AP2B1: variants seen among roughly 807,000 people sequenced by gnomAD.
The protein encoded by AP2B1 is AP-2 complex subunit beta.
AP2B1 carries 23 observed loss-of-function variants against 102.0 expected under a neutral mutation model. The ratio of observed to expected loss-of-function variants is 0.23; its 90% CI spans 0.16 to 0.32. The LOEUF is 0.32. Ranked by LOEUF, AP2B1 falls within the 10% of genes least tolerant of loss-of-function variation. The probability of loss-of-function intolerance (pLI) is 1.00; values close to 1 mark genes in which losing one functional copy is unlikely to be tolerated. For synonymous variants in AP2B1, 381 were observed against 421.2 expected (o/e 0.90, Z 1.17); for missense variants, 541 against 1,157.4 (o/e 0.47, Z 7.73).
At chr17:35,657,468 A>T in intron 13 of AP2B1, 131 bp from the exon 14 acceptor site, 1 of 611,424 alleles carries the variant, frequency 1.6e-6, no homozygotes, top group Middle Eastern at 4.0e-4. Flanking sequence ...AAATGGTTAT[A>T]AAATCAGAGA....
Position 35,709,119 on chromosome 17 carries a change from A to T in AP2B1, c.2455-105A>T, listed in dbSNP as rs879946723. The T allele has an allele frequency of 7.0e-5, 66 of 945,564 alleles. 2 individuals are homozygous for T. In the South Asian group the frequency reaches 8.9e-4, roughly 13 times the overall value. 58.6% of individuals were successfully genotyped at this position (945,564 alleles called of 1,614,324 possible). On this transcript the variant is annotated intron_variant, in intron 18 of 21. Coordinates refer to ENST00000610402, the MANE Select transcript of AP2B1 (RefSeq NM_001030006.2). Reference sequence around the variant, plus strand: ...ATTTGGGGAGACCTGCACTGAGAGAAAGAGGAAGGAAATAGGGAGGCCTAT... The same window carrying T: ...ATTTGGGGAGACCTGCACTGAGAGATAGAGGAAGGAAATAGGGAGGCCTAT...
chr17:35,588,372 G>C (rs776933368), intron 1 of AP2B1, among the ~76,000 whole-genome samples: 95 of 152,058 alleles, frequency 6.2e-4, no homozygotes, highest in Non-Finnish European at 1.1e-3. Flanking sequence ...GAACTCCTGG[G>C]CCCAAGCGAT....
At chr17:35,722,308 C>T (rs1189348655) in intron 21 of AP2B1, among the ~76,000 whole-genome samples, 2 of 152,058 alleles carry the variant, frequency 1.3e-5, no homozygotes, top group African/African-American at 4.8e-5. Context: ...GCAACTTGGA[C>T]CAAAATAGGG....
intron 17 of AP2B1, among the ~76,000 whole-genome samples, chr17:35,676,690 A>G (rs1212900726): frequency 6.6e-6 from 1 of 152,202 alleles, no homozygotes; most frequent in Non-Finnish European, 1.5e-5. Context: ...ATCCTCACCA[A>G]TTTTAGCCAT....
chr17:35,637,549 C>T (rs1298385026), intron 10 of AP2B1, among the ~76,000 whole-genome samples: 1 of 151,806 alleles, frequency 6.6e-6, no homozygotes, highest in Non-Finnish European at 1.5e-5. Flanking sequence ...GTGGTGGGCT[C>T]AAGAATTAGT....
intron 17 of AP2B1, among the ~76,000 whole-genome samples, 170 bp from the exon 18 acceptor site, chr17:35,682,525 G>A (rs2075846445): frequency 6.6e-6 from 1 of 151,522 alleles, no homozygotes; most frequent in East Asian, 2.0e-4. Flanking sequence ...TGTATTTTTA[G>A]TAGAGACAGG....
intron 5 of AP2B1, among the ~76,000 whole-genome samples, chr17:35,614,655 T>TTTAA: frequency 1.1e-5 from 1 of 93,168 alleles, no homozygotes; most frequent in Admixed American, 1.3e-4. Flanking sequence ...GTTGAATTAG[T>TTTAA]AAAAAAAAAA....
chr17:35,696,528 C>A (rs975710146), intron 18 of AP2B1, among the ~76,000 whole-genome samples: 3 of 150,374 alleles, frequency 2.0e-5, no homozygotes, highest in Non-Finnish European at 4.4e-5. Flanking sequence ...TAGCTGATTA[C>A]GGGTGCCCGC....
chr17:35,686,256 A>G (rs917709726), intron 18 of AP2B1, among the ~76,000 whole-genome samples: 1 of 152,232 alleles, frequency 6.6e-6, no homozygotes, highest in Admixed American at 6.5e-5. Flanking sequence ...GTTTATTTAT[A>G]TCACGTAATT....
intron 5 of AP2B1, among the ~76,000 whole-genome samples, chr17:35,613,330 T>G (rs1186498133): frequency 1.3e-5 from 2 of 151,482 alleles, no homozygotes; most frequent in Non-Finnish European, 2.9e-5. Context: ...AAATTCTTGG[T>G]GTTATATTGA....
intron 5 of AP2B1, among the ~76,000 whole-genome samples, chr17:35,616,368 C>T (rs1037944778): frequency 1.3e-5 from 2 of 151,728 alleles, no homozygotes; most frequent in African/African-American, 2.4e-5. Context: ...GGGGGTTTCA[C>T]CGTGTTAGTC....
chr17:35,622,254 T>C (rs1164106168), intron 5 of AP2B1, among the ~76,000 whole-genome samples: 1 of 152,226 alleles, frequency 6.6e-6, no homozygotes, highest in Admixed American at 6.5e-5. Context: ...ATTTACCAAG[T>C]GAGTCTCTGA....
At chr17:35,693,504 A>G (rs1481577479) in intron 18 of AP2B1, among the ~76,000 whole-genome samples, 1 of 152,208 alleles carries the variant, frequency 6.6e-6, no homozygotes, top group African/African-American at 2.4e-5. Context: ...TACTTAAGGA[A>G]AGCCTAAGTT....
At chr17:35,642,147 A>G (rs1199105508) in intron 12 of AP2B1, among the ~76,000 whole-genome samples, 172 bp downstream of exon 12, 1 of 152,236 alleles carries the variant, frequency 6.6e-6, no homozygotes, top group African/African-American at 2.4e-5. Flanking sequence ...ACTGAATTGT[A>G]GCTAATTCTG....
chr17:35,595,646 T>TG (rs1220844671), intron 2 of AP2B1, among the ~76,000 whole-genome samples: 2 of 152,130 alleles, frequency 1.3e-5, no homozygotes, highest in Admixed American at 6.5e-5. Context: ...TAGATTTGAT[T>TG]GGGGGGAGGA....
chr17:35,721,151 T>G (rs1326823770), intron 21 of AP2B1, among the ~76,000 whole-genome samples: 2 of 152,164 alleles, frequency 1.3e-5, no homozygotes, highest in Non-Finnish European at 2.9e-5. Flanking sequence ...ACCCCAGTTT[T>G]TATTGTATTT....
chr17:35,623,526 A>T (rs1356091825), intron 5 of AP2B1, among the ~76,000 whole-genome samples: 2 of 152,140 alleles, frequency 1.3e-5, no homozygotes, highest in African/African-American at 4.8e-5. Flanking sequence ...ATGTGTGCCT[A>T]CTCAGAAAGA....
intron 18 of AP2B1, among the ~76,000 whole-genome samples, chr17:35,696,068 T>C (rs1427681603): frequency 6.6e-6 from 1 of 151,996 alleles, no homozygotes; most frequent in East Asian, 1.9e-4. Flanking sequence ...CTACCAAAGG[T>C]CTCCAAGACC....
At chr17:35,613,445 C>A (rs1472342879) in intron 5 of AP2B1, among the ~76,000 whole-genome samples, 1 of 151,938 alleles carries the variant, frequency 6.6e-6, no homozygotes, top group Non-Finnish European at 1.5e-5. Flanking sequence ...ATCTTACTTT[C>A]CTGCAGTTGT....
Sources: gnomAD v4.1 joint callset for allele counts (sites outside exome capture counted in the v4.1 genomes callset) on GRCh38, gnomAD v4.1.1 for gene constraint, MANE v1.5 for transcripts, NCBI Gene and HGNC (gene_info 2026-07-23, HGNC 2026-07-21) for gene names.